CNTNAP2: variants seen among roughly 807,000 people sequenced by gnomAD.
The protein encoded by CNTNAP2 is contactin associated protein 2, also known as contactin-associated protein-like 2.
Under a neutral mutation model 155.2 loss-of-function variants are expected in CNTNAP2, and 98 were observed. The observed-to-expected ratio is 0.63, with a 90% CI of 0.54 to 0.75. The LOEUF (loss-of-function observed/expected upper bound fraction) is 0.75. Among genes scored for constraint, CNTNAP2 ranks in the 30% least tolerant of loss-of-function variants. The pLI is 0.00. For missense variants in CNTNAP2, 1,727 were observed against 1,688.1 expected (o/e 1.02, Z -0.40); for synonymous variants, 651 against 631.2 (o/e 1.03, Z -0.47).
At chr7:146,431,809 T>A (rs372663814) in intron 1 of CNTNAP2, among the ~76,000 whole-genome samples, 14 of 152,078 alleles carry the variant, frequency 9.2e-5, no homozygotes, top group Admixed American at 9.2e-4. Context: ...GGCTCTAGAC[T>A]AACACGTTTA....
intron 11 of CNTNAP2, among the ~76,000 whole-genome samples, chr7:147,502,760 A>G (rs1049694114): frequency 3.1e-4 from 43 of 138,616 alleles, no homozygotes; most frequent in African/African-American, 1.0e-3. Flanking sequence ...TATATATATA[A>G]AACAAATCAT....
intron 9 of CNTNAP2, among the ~76,000 whole-genome samples, chr7:147,306,841 C>T (rs936739042): frequency 1.3e-5 from 2 of 152,042 alleles, no homozygotes; most frequent in African/African-American, 4.8e-5. Context: ...TGGGAACCTC[C>T]CACTACCAAA....
intron 16 of CNTNAP2, among the ~76,000 whole-genome samples, chr7:148,129,157 C>T (rs1804773974): frequency 6.6e-6 from 1 of 152,150 alleles, no homozygotes; most frequent in Admixed American, 6.6e-5. Context: ...AAGTCCAGGA[C>T]ACAGGCTCCC....
At chr7:147,661,434 T>G (rs2116953371) in intron 13 of CNTNAP2, among the ~76,000 whole-genome samples, 1 of 152,338 alleles carries the variant, frequency 6.6e-6, no homozygotes, top group Non-Finnish European at 1.5e-5. Flanking sequence ...TCATGGGTAG[T>G]ACAATTTAGT....
At chr7:146,256,545 CA>C (rs1385667368) in intron 1 of CNTNAP2, among the ~76,000 whole-genome samples, 1 of 151,190 alleles carries the variant, frequency 6.6e-6, no homozygotes, top group Non-Finnish European at 1.5e-5. Context: ...ATTAATTATA[CA>C]AAAATAATAC....
chr7:147,954,976 C>T (rs1800994706), intron 14 of CNTNAP2, among the ~76,000 whole-genome samples: 1 of 152,216 alleles, frequency 6.6e-6, no homozygotes, highest in Non-Finnish European at 1.5e-5. Context: ...AAAACAGCTA[C>T]ACCCACTTTT....
chr7:146,852,453 A>C (rs1177590712), intron 3 of CNTNAP2, among the ~76,000 whole-genome samples: 1 of 152,160 alleles, frequency 6.6e-6, no homozygotes, highest in African/African-American at 2.4e-5. Context: ...TGAACCAAAG[A>C]CACTTTAAGA....
intron 1 of CNTNAP2, among the ~76,000 whole-genome samples, chr7:146,735,841 C>T (rs985790987): frequency 2.6e-5 from 4 of 151,868 alleles, no homozygotes; most frequent in South Asian, 4.2e-4. Flanking sequence ...TTCTATAGCA[C>T]GTTAGGGTGA....
At chr7:147,117,209 C>T (rs1478386147) in intron 5 of CNTNAP2, among the ~76,000 whole-genome samples, 4 of 152,078 alleles carry the variant, frequency 2.6e-5, no homozygotes, top group East Asian at 1.9e-4. Context: ...AAAGCTCCAC[C>T]CTGTCTCTGT....
At chr7:147,437,420 C>A (rs1298622873) in intron 10 of CNTNAP2, among the ~76,000 whole-genome samples, 1 of 152,080 alleles carries the variant, frequency 6.6e-6, no homozygotes, top group Non-Finnish European at 1.5e-5. Context: ...TTATTTGTAA[C>A]ATTCCTTTCA....
chr7:148,389,624 G>T (rs905297754), intron 22 of CNTNAP2: 1 of 152,202 alleles, frequency 6.6e-6, no homozygotes, highest in African/African-American at 2.4e-5. Flanking sequence ...CTCTCTTGGG[G>T]TTTGGATCAG....
intron 13 of CNTNAP2, among the ~76,000 whole-genome samples, chr7:147,669,621 A>G (rs1795753761): frequency 6.6e-6 from 1 of 152,138 alleles, no homozygotes; most frequent in Admixed American, 6.5e-5. Context: ...TAGTGAAACA[A>G]TGACTCCAAT....
intron 1 of CNTNAP2, among the ~76,000 whole-genome samples, chr7:146,493,182 CA>C (rs1408263176): frequency 6.6e-6 from 1 of 151,968 alleles, no homozygotes; most frequent in East Asian, 1.9e-4. Flanking sequence ...TCCGTTTATC[CA>C]CAAGTATTAA....
intron 9 of CNTNAP2, among the ~76,000 whole-genome samples, chr7:147,335,053 C>A (rs1437326728): frequency 2.0e-5 from 3 of 152,054 alleles, no homozygotes; most frequent in African/African-American, 7.2e-5. Context: ...CCTACAGAAC[C>A]AGTAAGTGGC....
intron 1 of CNTNAP2, among the ~76,000 whole-genome samples, chr7:146,284,851 C>T (rs1419140730): frequency 6.6e-6 from 1 of 152,102 alleles, no homozygotes; most frequent in Non-Finnish European, 1.5e-5. Flanking sequence ...TCATTTGTGC[C>T]ATCTGGATTA....
intron 13 of CNTNAP2, among the ~76,000 whole-genome samples, chr7:147,726,494 T>A (rs1796645840): frequency 6.6e-6 from 1 of 151,608 alleles, no homozygotes; most frequent in Admixed American, 6.6e-5. Flanking sequence ...AGCACAGGTG[T>A]TAGGCTGTCT....
At chr7:147,738,165 C>T (rs1796890544) in intron 13 of CNTNAP2, among the ~76,000 whole-genome samples, 1 of 152,068 alleles carries the variant, frequency 6.6e-6, no homozygotes, top group Non-Finnish European at 1.5e-5. Flanking sequence ...GGAATCGCCC[C>T]CCGAAATTGG....
intron 3 of CNTNAP2, among the ~76,000 whole-genome samples, chr7:146,901,673 A>G (rs1431749337): frequency 6.6e-6 from 1 of 152,166 alleles, no homozygotes; most frequent in Admixed American, 6.5e-5. Context: ...AAATATCAGT[A>G]CTTACTTGGA....
intron 9 of CNTNAP2, among the ~76,000 whole-genome samples, chr7:147,301,799 C>T (rs539703738): frequency 3.6e-4 from 55 of 152,194 alleles, no homozygotes; most frequent in African/African-American, 7.0e-4. Context: ...TTAAGCAAGA[C>T]GTCACTTTAT....
Sources: allele counts gnomAD v4.1 joint callset (sites outside exome capture counted in the v4.1 genomes callset), GRCh38; gene constraint gnomAD v4.1.1; transcripts MANE v1.5; gene names NCBI Gene and HGNC (gene_info 2026-07-23, HGNC 2026-07-21).